RMST: variants seen among roughly 807,000 people sequenced by gnomAD.
The protein encoded by RMST is rhabdomyosarcoma 2 associated transcript.
chr12:97,504,719 G>A (rs1214871565), intron 10 of RMST, among the ~76,000 whole-genome samples: 1 of 152,036 alleles, frequency 6.6e-6, no homozygotes, highest in Non-Finnish European at 1.5e-5. Context: ...TGCCTGAAGG[G>A]GTCACTTACA....
intron 11 of RMST, among the ~76,000 whole-genome samples, chr12:97,535,460 C>G (rs761211164): frequency 6.6e-6 from 1 of 151,672 alleles, no homozygotes; most frequent in African/African-American, 2.4e-5. Context: ...TTTCAACAAG[C>G]CTTTATTAAG....
intron 10 of RMST, among the ~76,000 whole-genome samples, chr12:97,502,338 G>T (rs1263030223): frequency 1.3e-5 from 2 of 152,098 alleles, no homozygotes; most frequent in Non-Finnish European, 2.9e-5. Flanking sequence ...TATGCACCAG[G>T]TCCTGTGGGA....
chr12:97,466,889 A>G (rs990043278), intron 5 of RMST, among the ~76,000 whole-genome samples: 1 of 152,084 alleles, frequency 6.6e-6, no homozygotes, highest in African/African-American at 2.4e-5. Context: ...GAGATAAAAC[A>G]GTGAGTATTT....
chr12:97,531,178 G>A lies in RMST; in HGVS notation n.1545+319G>A, dbSNP rs138398817. Among the ~76,000 whole-genome samples, 3 of 151,818 alleles carry A rather than the reference G, an allele frequency of 2.0e-5. No homozygotes were observed. The East Asian group carries it at 5.8e-4, about 29-fold the overall frequency. ...CAATGGGACATTTATATTGTGTAGC[G>A]TTGGATTTATTTTGCTCAACAATGT... On this transcript the variant is annotated intron_variant and non_coding_transcript_variant, in intron 11 of 13. Coordinates refer to ENST00000640149, the Ensembl canonical transcript of RMST.
intron 5 of RMST, among the ~76,000 whole-genome samples, chr12:97,469,827 C>G (rs2136385181): frequency 6.6e-6 from 1 of 152,206 alleles, no homozygotes; most frequent in South Asian, 2.1e-4. Context: ...TACCTCACAA[C>G]TACCTTGAGG....
In RMST at chr12:97,524,024, C is replaced by A. The variant is rs532661936; in HGVS notation, n.1341-6631C>A. On this transcript the variant is annotated intron_variant and non_coding_transcript_variant, in intron 10 of 13. Transcript: ENST00000640149. ...CCGGGAGGCGGAGCTTGCAGTGAGC[C>A]GAGATCGCGCCACTGCAGTCCAGCC... 7.4e-4 allele frequency among the ~76,000 whole-genome samples: 99 copies of A among 133,354 alleles called. 1 individual carries two copies. Among genetic ancestry groups the A allele is most frequent in the Non-Finnish European group, 1.2e-3 (78 of 65,020 alleles). 87.5% of individuals were successfully genotyped at this position (133,354 alleles called of 152,430 possible).
intron 10 of RMST, among the ~76,000 whole-genome samples, chr12:97,505,106 T>G (rs2136491469): frequency 6.6e-6 from 1 of 152,380 alleles, no homozygotes; most frequent in African/African-American, 2.4e-5. Context: ...GGATTTATAC[T>G]TTGAAATAAG....
intron 10 of RMST, chr12:97,530,264 T>C (rs904298418): frequency 1.9e-4 from 29 of 152,078 alleles, no homozygotes; most frequent in Non-Finnish European, 5.9e-5. Flanking sequence ...GCCTTAACAT[T>C]GGGATTGCAG....
chr12:97,546,967 C>T (rs1050107656), intron 11 of RMST, among the ~76,000 whole-genome samples: 1 of 151,924 alleles, frequency 6.6e-6, no homozygotes, highest in Non-Finnish European at 1.5e-5. Context: ...CCCTCTCCAG[C>T]TCCTGGTAAC....
chr12:97,513,117 C>T (rs1297086802), intron 10 of RMST, among the ~76,000 whole-genome samples: 2 of 152,220 alleles, frequency 1.3e-5, no homozygotes, highest in Non-Finnish European at 2.9e-5. Flanking sequence ...ACCTGCGCCT[C>T]TCCCTCCACA....
chr12:97,512,523 C>T (rs1459516950), intron 10 of RMST, among the ~76,000 whole-genome samples: 1 of 152,216 alleles, frequency 6.6e-6, no homozygotes, highest in Non-Finnish European at 1.5e-5. Context: ...CACAAAGGTT[C>T]TCCACGTCCC....
intron 11 of RMST, among the ~76,000 whole-genome samples, chr12:97,534,315 A>G (rs1030248051): frequency 3.3e-5 from 5 of 151,812 alleles, no homozygotes; most frequent in Non-Finnish European, 7.4e-5. Context: ...TCTCTAAAGT[A>G]AGCAATATTA....
At chr12:97,503,396 A>C (rs1878304093) in intron 10 of RMST, among the ~76,000 whole-genome samples, 1 of 152,046 alleles carries the variant, frequency 6.6e-6, no homozygotes. Context: ...AATTATCTAT[A>C]GTGAGATTAG....
chr12:97,492,253 T>C (rs920822121), intron 5 of RMST, among the ~76,000 whole-genome samples: 2 of 152,226 alleles, frequency 1.3e-5, no homozygotes, highest in Non-Finnish European at 2.9e-5. Context: ...CGTGCAGGTT[T>C]ATATCTGTCA....
At chr12:97,486,288 T>A (rs564726890) in intron 5 of RMST, among the ~76,000 whole-genome samples, 4 of 152,228 alleles carry the variant, frequency 2.6e-5, no homozygotes, top group South Asian at 4.2e-4. Flanking sequence ...TCTGGCTTTT[T>A]AAAAAAATTC....
intron 11 of RMST, among the ~76,000 whole-genome samples, chr12:97,536,760 T>A (rs1469664219): frequency 6.6e-6 from 1 of 151,460 alleles, no homozygotes; most frequent in East Asian, 1.9e-4. Flanking sequence ...TATACACAAA[T>A]AATCTCCATC....
intron 10 of RMST, among the ~76,000 whole-genome samples, chr12:97,511,462 T>A (rs945346228): frequency 6.6e-6 from 1 of 152,172 alleles, no homozygotes; most frequent in African/African-American, 2.4e-5. Flanking sequence ...CAAATACAAA[T>A]TACCCTAGAG....
exon 6 of RMST, chr12:97,492,471 T>C (rs1876953243): frequency 6.3e-6 from 1 of 159,926 alleles, no homozygotes; most frequent in East Asian, 1.7e-4. Flanking sequence ...ATTCTCAGGA[T>C]GATGGAGTGA....
At chr12:97,543,071 A>G (rs1882671403) in intron 11 of RMST, among the ~76,000 whole-genome samples, 1 of 152,010 alleles carries the variant, frequency 6.6e-6, no homozygotes, top group Non-Finnish European at 1.5e-5. Flanking sequence ...GACCAGATGG[A>G]TGTGACAACC....
Sources: allele counts gnomAD v4.1 joint callset (sites outside exome capture counted in the v4.1 genomes callset), GRCh38; gene constraint gnomAD v4.1.1; transcripts MANE v1.5; gene names NCBI Gene and HGNC (gene_info 2026-07-23, HGNC 2026-07-21).